Variants in FAP observed in about 807,000 individuals in gnomAD.
FAP encodes fibroblast activation protein alpha, also known as prolyl endopeptidase FAP.
FAP carries 110 observed loss-of-function variants against 126.5 expected under a neutral mutation model. That is an observed-to-expected ratio of 0.87 (90% CI 0.74 to 1.02). The LOEUF is 1.02. Ranked by LOEUF, FAP falls within the 50% of genes least tolerant of loss-of-function variation. The pLI, the probability that FAP is intolerant of heterozygous loss-of-function variation, is 0.00. For missense variants in FAP, 919 were observed against 909.2 expected, an observed-to-expected ratio of 1.01 and a Z score of -0.14; for synonymous variants, 334 against 297.3, an observed-to-expected ratio of 1.12 and a Z score of -1.27.
chr2:162,215,301 CT>C (rs1689120024), intron 10 of FAP, among the ~76,000 whole-genome samples: 1 of 152,174 alleles, frequency 6.6e-6, no homozygotes, highest in African/African-American at 2.4e-5. Context: ...CTGGGCACCT[CT>C]TCCCCTTAGC....
chr2:162,198,635 G>A (rs1688359291), intron 16 of FAP, 122 bp downstream of exon 16: 1 of 1,237,234 alleles, frequency 8.1e-7, no homozygotes, highest in Non-Finnish European at 1.1e-6. Context: ...ATAAGCACAA[G>A]ATAAGATTCT....
At chr2:162,182,396 T>C (rs973464777) in intron 21 of FAP, among the ~76,000 whole-genome samples, 1 of 152,220 alleles carries the variant, frequency 6.6e-6, no homozygotes, top group African/African-American at 2.4e-5. Flanking sequence ...TATTTCACTA[T>C]AGAAATATTT....
At chr2:162,203,523 T>C (rs1007476308) in intron 12 of FAP, among the ~76,000 whole-genome samples, 1 of 152,252 alleles carries the variant, frequency 6.6e-6, no homozygotes, top group Admixed American at 6.5e-5. Context: ...CTGATGCTCA[T>C]TGACTATACC....
chr2:162,237,959 C>CT (rs374393343), intron 2 of FAP, among the ~76,000 whole-genome samples: 2 of 151,800 alleles, frequency 1.3e-5, no homozygotes, highest in African/African-American at 4.8e-5. Context: ...TGATGATGAG[C>CT]TTTTTTTCAT....
chr2:162,199,645 T>C (rs1688414963), intron 15 of FAP, among the ~76,000 whole-genome samples: 1 of 151,266 alleles, frequency 6.6e-6, no homozygotes, highest in African/African-American at 2.5e-5. Flanking sequence ...GACCCCATGG[T>C]GCCTGTCAGG....
At chr2:162,235,133 C>T (rs933952791) in intron 2 of FAP, among the ~76,000 whole-genome samples, 3 of 151,664 alleles carry the variant, frequency 2.0e-5, no homozygotes, top group Non-Finnish European at 4.4e-5. Context: ...CCACTCCCCC[C>T]ACTCCCCCAG....
At chr2:162,184,909 T>C (rs1026759574) in intron 20 of FAP, among the ~76,000 whole-genome samples, 1 of 152,070 alleles carries the variant, frequency 6.6e-6, no homozygotes, top group African/African-American at 2.4e-5. Context: ...AGGTGATACA[T>C]GGGAACAGGA....
intron 2 of FAP, among the ~76,000 whole-genome samples, chr2:162,235,548 G>A (rs990101077): frequency 2.6e-5 from 4 of 152,168 alleles, no homozygotes; most frequent in African/African-American, 9.7e-5. Flanking sequence ...GCAATAGGTG[G>A]AGAACTTTTG....
In FAP at chr2:162,242,895, A is replaced by G. The variant is rs746693719; in HGVS notation, c.91+13T>C. ...ATTCTAGGCAGATAGAGCAAATCAG[A>G]GAAAGTTCTTACCTCTTGAAGGGCG... On this transcript the variant is annotated intron_variant, in intron 2 of 25. Transcript: ENST00000188790. 3.7e-6 allele frequency: 6 copies of G among 1,607,060 alleles called. No homozygotes were observed. In the Admixed American group the frequency reaches 1.0e-4, roughly 27 times the overall value.
intron 2 of FAP, among the ~76,000 whole-genome samples, chr2:162,240,546 C>G (rs1428680197): frequency 6.6e-6 from 1 of 152,182 alleles, no homozygotes; most frequent in African/African-American, 2.4e-5. Context: ...TGCTGCACCT[C>G]CATATCCTCA....
chr2:162,204,731 G>C (rs1688632350), intron 12 of FAP, among the ~76,000 whole-genome samples: 1 of 152,154 alleles, frequency 6.6e-6, no homozygotes, highest in Non-Finnish European at 1.5e-5. Context: ...AATTTCTGTT[G>C]TTTTAAGCCA....
rs535371330 is a variant in FAP at position 162,241,920 on chromosome 2, C to T, written c.91+988G>A. Among the ~76,000 whole-genome samples the T allele has an allele frequency of 1.4e-4, 21 of 152,150 alleles. No individual in the cohort carries two copies. In the South Asian group the frequency reaches 2.1e-3, roughly 15 times the overall value. On this transcript the variant is annotated intron_variant, in intron 2 of 25. Coordinates refer to ENST00000188790, the MANE Select transcript of FAP (RefSeq NM_004460.5). ...AAATCTCATGATTATTTTTAATTTT[C>T]GAAAACATTTTTCTATGTTCTTTTT...
intron 16 of FAP, among the ~76,000 whole-genome samples, chr2:162,196,206 T>A (rs1486786402): frequency 6.6e-6 from 1 of 152,162 alleles, no homozygotes. Flanking sequence ...CAAGTAAAGA[T>A]AATATTTTGG....
intron 11 of FAP, among the ~76,000 whole-genome samples, chr2:162,213,427 A>AC (rs1576175115): frequency 1.3e-5 from 2 of 151,834 alleles, no homozygotes; most frequent in East Asian, 3.9e-4. Context: ...AAACAAACAA[A>AC]AAAAAAAACA....
chr2:162,241,045 A>G (rs1235720600), intron 2 of FAP, among the ~76,000 whole-genome samples: 1 of 152,194 alleles, frequency 6.6e-6, no homozygotes, highest in Non-Finnish European at 1.5e-5. Context: ...GCCATTCACA[A>G]GCTGTTTAGC....
At chr2:162,179,676 G>A (rs544672599) in intron 21 of FAP, among the ~76,000 whole-genome samples, 1 of 152,064 alleles carries the variant, frequency 6.6e-6, no homozygotes, top group Admixed American at 6.6e-5. Flanking sequence ...TGGGAGTGAG[G>A]AAAAGGTGGG....
In FAP at chr2:162,183,427, G is replaced by T. The variant is rs760847313; in HGVS notation, c.1856C>A (p.Ala619Asp). ...EMGFIDEKRI[A>D]IWGWSYGGYV... ...AAAACAACTCACCCAGCCCCATATG[G>T]CTATTCTTTTTTCATCAATGAAACC... is the stretch of plus-strand genomic sequence containing the variant. The change falls in exon 21 of 26, where the codon GCC becomes GAC. Residue 619 changes from alanine to aspartate, a missense_variant. Physicochemically the swap from Ala to Asp is moderately radical, Grantham distance 126. Transcript: ENST00000188790. 2 of 1,608,608 alleles carry T rather than the reference G, an allele frequency of 1.2e-6. No individual in the cohort carries two copies. Among genetic ancestry groups the T allele is most frequent in the South Asian group, 1.1e-5 (1 of 90,134 alleles).
chr2:162,219,821 T>A lies in FAP; in HGVS notation c.486+32A>T, dbSNP rs764186091. The A allele has an allele frequency of 9.6e-6, 14 of 1,464,462 alleles. No individual in the cohort carries two copies. In the South Asian group the frequency reaches 1.1e-4, roughly 11 times the overall value. 90.7% of individuals were successfully genotyped at this position (1,464,462 alleles called of 1,614,324 possible). The stretch of plus-strand genomic sequence containing the variant: ...TCAAATGGCTCCTCTTTTATTTACA[T>A]GATTAAACACTTCAAAAATTTAAAC... On this transcript the variant is annotated intron_variant, in intron 7 of 25. Coordinates refer to ENST00000188790, the MANE Select transcript of FAP (RefSeq NM_004460.5).
rs141624108 is a variant in FAP, at chr2:162,214,049, C to T, written c.891G>A (p.Thr297=). The change falls in exon 11 of 26, where the codon ACG becomes ACA. Residue 297 remains threonine, a synonymous_variant. Transcript: ENST00000188790. ...ASSDYYFSWL[T]WVTDERVCLQ... is the part of the protein sequence containing the mutation. The stretch of plus-strand genomic sequence containing the variant: ...AACATACTCGTTCATCAGTAACCCA[C>T]GTGAGCCAACTGAAATAATAATCAC... 5.0e-5 allele frequency: 81 copies of T among 1,613,836 alleles called. No individual in the cohort carries two copies. The highest frequency in any genetic ancestry group is 5.0e-4 in the Middle Eastern group (3 of 6,058).
Sources: gnomAD v4.1 joint callset for allele counts (sites outside exome capture counted in the v4.1 genomes callset) on GRCh38, gnomAD v4.1.1 for gene constraint, MANE v1.5 for transcripts, NCBI Gene and HGNC (gene_info 2026-07-23, HGNC 2026-07-21) for gene names.